The following NREP variants were observed in gnomAD, a reference collection of about 807,000 sequenced individuals.
The protein encoded by NREP is neuronal regeneration-related protein.
NREP carries 5 observed loss-of-function variants against 8.6 expected under a neutral mutation model. The observed-to-expected ratio is 0.58, with a 90% CI of 0.30 to 1.22. NREP has a LOEUF of 1.22. Ranked by LOEUF, NREP falls within the 50% of genes most tolerant of loss-of-function variation. The pLI is 0.07. For synonymous variants in NREP, 27 were observed against 28.0 expected, an observed-to-expected ratio of 0.96 and a Z score of 0.11; for missense variants, 86 against 82.5, an observed-to-expected ratio of 1.04 and a Z score of -0.17.
intron 2 of NREP, among the ~76,000 whole-genome samples, chr5:111,789,639 C>T (rs1391806038): frequency 6.6e-6 from 1 of 151,928 alleles, no homozygotes; most frequent in African/African-American, 2.4e-5. Flanking sequence ...GCATATAGAC[C>T]CCCATGGTTG....
intron 2 of NREP, among the ~76,000 whole-genome samples, chr5:111,881,712 G>A (rs74873490): frequency 0.052 from 7,865 of 152,162 alleles, 476 homozygotes; most frequent in East Asian, 0.24. Flanking sequence ...CAGATACCCC[G>A]GCAAACAGGG....
chr5:111,848,591 T>C (rs1243582308), intron 2 of NREP, among the ~76,000 whole-genome samples: 2 of 152,152 alleles, frequency 1.3e-5, no homozygotes, highest in Non-Finnish European at 2.9e-5. Context: ...AATAAGCTTT[T>C]ACAGCTCTGC....
Position 111,957,097 on chromosome 5 carries a change from G to T in NREP, c.135+18177C>A, listed in dbSNP as rs1431184770. On this transcript the variant is annotated intron_variant, in intron 2 of 3. Transcript: ENST00000395634. ...TTGTCCAGAGAGGAAAGAAGAGACT[G>T]TTACTAATAAATAACAATTGCGAGG... Among the ~76,000 whole-genome samples the T allele has an allele frequency of 2.6e-5, 4 of 151,848 alleles. No individual in the cohort carries two copies. The East Asian group carries it at 7.8e-4, about 29-fold the overall frequency.
chr5:111,774,884 G>T (rs1365060347), intron 2 of NREP, among the ~76,000 whole-genome samples: 1 of 152,186 alleles, frequency 6.6e-6, no homozygotes, highest in Admixed American at 6.5e-5. Context: ...TATGGGTGTT[G>T]TCTTTATTGC....
chr5:111,810,218 G>T (rs1362820602), intron 2 of NREP, among the ~76,000 whole-genome samples: 1 of 152,254 alleles, frequency 6.6e-6, no homozygotes, highest in East Asian at 1.9e-4. Context: ...GAGCCCATGA[G>T]GCAACGGAAA....
intron 2 of NREP, among the ~76,000 whole-genome samples, chr5:111,861,785 C>A (rs995304211): frequency 8.5e-5 from 13 of 152,106 alleles, no homozygotes; most frequent in Non-Finnish European, 1.5e-4. Flanking sequence ...ATCCTAATCA[C>A]GTTCCCCAGT....
intron 2 of NREP, among the ~76,000 whole-genome samples, chr5:111,866,814 C>T (rs1463144633): frequency 6.6e-6 from 1 of 151,912 alleles, no homozygotes; most frequent in African/African-American, 2.4e-5. Flanking sequence ...ACTATGCAGC[C>T]ATAAAAAATG....
intron 2 of NREP, among the ~76,000 whole-genome samples, chr5:111,933,811 T>C (rs1285845206): frequency 1.3e-5 from 2 of 152,108 alleles, no homozygotes; most frequent in Non-Finnish European, 2.9e-5. Context: ...ACTGCATTTA[T>C]AAAGAGAACC....
intron 2 of NREP, among the ~76,000 whole-genome samples, chr5:111,935,061 TA>T (rs1755645311): frequency 6.6e-6 from 1 of 152,084 alleles, no homozygotes; most frequent in Non-Finnish European, 1.5e-5. Flanking sequence ...TAAAAGCTTT[TA>T]GTAACTATTT....
chr5:111,772,171 G>A (rs757353728), intron 2 of NREP, among the ~76,000 whole-genome samples: 1 of 152,138 alleles, frequency 6.6e-6, no homozygotes, highest in Non-Finnish European at 1.5e-5. Flanking sequence ...AAATTTACAA[G>A]CTAGGTTTTC....
At chr5:111,901,845 G>A (rs1238702126) in intron 2 of NREP, among the ~76,000 whole-genome samples, 1 of 151,514 alleles carries the variant, frequency 6.6e-6, no homozygotes, top group Admixed American at 6.6e-5. Flanking sequence ...TGGATCAGAA[G>A]AATTAATGTT....
chr5:111,957,798 C>A (rs1445962222), intron 2 of NREP, among the ~76,000 whole-genome samples: 14 of 151,646 alleles, frequency 9.2e-5, no homozygotes, highest in Non-Finnish European at 1.0e-4. Flanking sequence ...AAGTATAGTT[C>A]ATCATTAGAA....
intron 2 of NREP, among the ~76,000 whole-genome samples, chr5:111,965,547 C>T: frequency 6.6e-6 from 1 of 152,124 alleles, no homozygotes; most frequent in East Asian, 1.9e-4. Context: ...TTGCCCAGCT[C>T]CACAATTAAC....
At chr5:111,967,806 A>G (rs188489206) in intron 2 of NREP, among the ~76,000 whole-genome samples, 1 of 152,274 alleles carries the variant, frequency 6.6e-6, no homozygotes, top group African/African-American at 2.4e-5. Flanking sequence ...AAAAAAAAAG[A>G]AGATCTTTTT....
upstream of NREP, chr5:111,757,613 GCGCGCCCCGACACCCCGCACC>G (rs1750812471): frequency 1.0e-6 from 1 of 983,294 alleles, no homozygotes; most frequent in Non-Finnish European, 1.2e-6. Flanking sequence ...CAACAGGCGC[GCGCGCCCCGACACCCCGCACC>G]CGCGCCCCGG....
chr5:111,931,968 C>A (rs1488006805), intron 2 of NREP, among the ~76,000 whole-genome samples: 1 of 152,016 alleles, frequency 6.6e-6, no homozygotes, highest in Non-Finnish European at 1.5e-5. Flanking sequence ...CCAATTGCAT[C>A]TCATTGTATC....
At chr5:111,788,318 A>G (rs1008851827) in intron 2 of NREP, among the ~76,000 whole-genome samples, 2 of 152,232 alleles carry the variant, frequency 1.3e-5, no homozygotes, top group Non-Finnish European at 1.5e-5. Context: ...TGTATTCTCA[A>G]TATCTTCATT....
At chr5:111,761,643 C>G (rs559567813), upstream of NREP, among the ~76,000 whole-genome samples, 3 of 152,186 alleles carry the variant, frequency 2.0e-5, no homozygotes, top group Middle Eastern at 3.2e-3. Context: ...CATTGTTGAT[C>G]GCATATGTAA....
At chr5:111,815,224 G>C (rs935401355) in intron 2 of NREP, among the ~76,000 whole-genome samples, 6 of 152,148 alleles carry the variant, frequency 3.9e-5, no homozygotes, top group Non-Finnish European at 7.4e-5. Flanking sequence ...AAATATTCAG[G>C]CTTTCAGTTG....
Sources: gnomAD v4.1 joint callset for allele counts (sites outside exome capture counted in the v4.1 genomes callset) on GRCh38, gnomAD v4.1.1 for gene constraint, MANE v1.5 for transcripts, NCBI Gene and HGNC (gene_info 2026-07-23, HGNC 2026-07-21) for gene names.